The following PTPRD variants were observed in gnomAD, a reference collection of about 807,000 sequenced individuals.
PTPRD encodes the protein protein tyrosine phosphatase receptor type D, also known as receptor-type tyrosine-protein phosphatase delta.
A neutral mutation model predicts 214.5 loss-of-function variants in PTPRD; 34 were observed. That is an observed-to-expected ratio of 0.16 (90% confidence interval 0.12 to 0.21). The LOEUF (loss-of-function observed/expected upper bound fraction) is 0.21, where lower values mean the gene tolerates loss of function less well. Among genes scored for constraint, PTPRD ranks in the 10% least tolerant of loss-of-function variants. The probability of loss-of-function intolerance (pLI) is 1.00; values close to 1 mark genes in which losing one functional copy is unlikely to be tolerated. For synonymous variants in PTPRD, 1,128 were observed against 845.7 expected (o/e 1.33, Z -5.79); for missense variants, 2,545 against 2,398.7 (o/e 1.06, Z -1.27).
intron 12 of PTPRD, among the ~76,000 whole-genome samples, chr9:8,676,452 G>A (rs748670684): frequency 1.9e-4 from 28 of 146,584 alleles, no homozygotes; most frequent in African/African-American, 7.1e-4. Context: ...GTGTGATCTC[G>A]GCTCACTACA....
At chr9:10,262,874 TCCCATAATTCC>T (rs2093789352) in intron 3 of PTPRD, among the ~76,000 whole-genome samples, 1 of 152,100 alleles carries the variant, frequency 6.6e-6, no homozygotes, top group Non-Finnish European at 1.5e-5. Flanking sequence ...GAATTGTAGC[TCCCATAATTCC>T]CACATGTTGT....
chr9:9,194,520 G>C (rs1430144234), intron 9 of PTPRD, among the ~76,000 whole-genome samples: 3 of 152,076 alleles, frequency 2.0e-5, no homozygotes, highest in Admixed American at 1.3e-4. Flanking sequence ...TGGGTGACAG[G>C]AAACTTCAGC....
intron 39 of PTPRD, among the ~76,000 whole-genome samples, chr9:8,352,814 T>C (rs1048227291): frequency 2.6e-5 from 4 of 152,146 alleles, no homozygotes; most frequent in Admixed American, 2.6e-4. Context: ...TTTTTCTTTT[T>C]AAAAAATGCT....
intron 9 of PTPRD, among the ~76,000 whole-genome samples, chr9:9,331,577 T>C (rs989582064): frequency 6.6e-6 from 1 of 152,062 alleles, no homozygotes; most frequent in Non-Finnish European, 1.5e-5. Context: ...GGATGATCTC[T>C]GACCTATAAA....
At chr9:8,715,937 G>A (rs2098428212) in intron 12 of PTPRD, among the ~76,000 whole-genome samples, 1 of 152,226 alleles carries the variant, frequency 6.6e-6, no homozygotes, top group African/African-American at 2.4e-5. Context: ...CTACTTAGCT[G>A]CTCACTTGGG....
intron 20 of PTPRD, among the ~76,000 whole-genome samples, chr9:8,520,349 T>C (rs2097863077): frequency 6.6e-6 from 1 of 152,198 alleles, no homozygotes. Flanking sequence ...ATTTGATATA[T>C]ACGCTTGGTT....
At chr9:8,756,119 G>T (rs529361598) in intron 11 of PTPRD, among the ~76,000 whole-genome samples, 1 of 152,288 alleles carries the variant, frequency 6.6e-6, no homozygotes, top group South Asian at 2.1e-4. Flanking sequence ...AAGAGAATCA[G>T]TGTAGTGCAA....
intron 5 of PTPRD, among the ~76,000 whole-genome samples, chr9:9,920,249 T>C (rs2082182108): frequency 6.6e-6 from 1 of 152,124 alleles, no homozygotes; most frequent in African/African-American, 2.4e-5. Flanking sequence ...TTTTGTGGTC[T>C]GGATAATTTG....
Position 10,395,954 on chromosome 9 carries a change from T to TGAGAGAGAGAGAGAGAGAGA in PTPRD, c.-599-54957_-599-54938dup, listed in dbSNP as rs368100918. Reference sequence around the variant, plus strand: ...AAGCCACAGAGGGACATAGAGAGAATGAGAGAGAGAGAGAGAGAGAGAGAG... The same window carrying TGAGAGAGAGAGAGAGAGAGA: ...AAGCCACAGAGGGACATAGAGAGAATGAGAGAGAGAGAGAGAGAGAGAGAGAGAGAGAGAGAGAGAGAGAG... On this transcript the variant is annotated intron_variant, in intron 2 of 45. Coordinates refer to ENST00000381196, the MANE Select transcript of PTPRD (RefSeq NM_002839.4). Among the ~76,000 whole-genome samples, 337 of 134,336 alleles carry TGAGAGAGAGAGAGAGAGAGA rather than the reference T, an allele frequency of 2.5e-3. 6 individuals are homozygous for TGAGAGAGAGAGAGAGAGAGA. Among genetic ancestry groups the TGAGAGAGAGAGAGAGAGAGA allele is most frequent in the South Asian group, 0.016 (63 of 3,854 alleles). 88.1% of individuals were successfully genotyped at this position (134,336 alleles called of 152,430 possible).
intron 11 of PTPRD, among the ~76,000 whole-genome samples, chr9:8,833,869 T>C (rs2097354146): frequency 6.6e-6 from 1 of 152,100 alleles, no homozygotes; most frequent in Non-Finnish European, 1.5e-5. Flanking sequence ...AAATGACAGC[T>C]ATATACTGTA....
At chr9:10,537,792 G>A (rs1212001746) in intron 2 of PTPRD, among the ~76,000 whole-genome samples, 1 of 151,982 alleles carries the variant, frequency 6.6e-6, no homozygotes, top group Non-Finnish European at 1.5e-5. Flanking sequence ...AATCTTACAT[G>A]ACTTAAACTG....
intron 5 of PTPRD, among the ~76,000 whole-genome samples, chr9:9,909,071 A>G (rs928141583): frequency 1.3e-4 from 19 of 151,980 alleles, no homozygotes; most frequent in African/African-American, 4.1e-4. Context: ...CAGGATTGAA[A>G]AAGCAACTCC....
At chr9:10,272,071 C>A (rs1224706798) in intron 3 of PTPRD, among the ~76,000 whole-genome samples, 2 of 152,118 alleles carry the variant, frequency 1.3e-5, no homozygotes, top group African/African-American at 2.4e-5. Flanking sequence ...AAACCCCATA[C>A]TCTTTAACAG....
intron 2 of PTPRD, among the ~76,000 whole-genome samples, chr9:10,402,012 C>G (rs543841548): frequency 6.6e-6 from 1 of 151,142 alleles, no homozygotes; most frequent in East Asian, 2.0e-4. Flanking sequence ...AAATCCAATT[C>G]TAAAATGAGA....
Position 8,504,765 on chromosome 9 carries a change from C to T in PTPRD, c.1678-360G>A, listed in dbSNP as rs79111866. On this transcript the variant is annotated intron_variant, in intron 22 of 45. Coordinates refer to ENST00000381196, the MANE Select transcript of PTPRD (RefSeq NM_002839.4). ...TGACACAGATCACAATAGAAAATGA[C>T]ACCTGCCCCTGGTAGTGGAATCTGC... Among the ~76,000 whole-genome samples the T allele has an allele frequency of 3.1e-3, 469 of 152,266 alleles. 1 individual carries two copies. The highest frequency in any genetic ancestry group is 0.011 in the African/African-American group (449 of 41,550).
chr9:9,699,915 C>T (rs989936034), intron 7 of PTPRD, among the ~76,000 whole-genome samples: 4 of 152,108 alleles, frequency 2.6e-5, no homozygotes, highest in Admixed American at 2.0e-4. Flanking sequence ...TGAGATAACC[C>T]TGTACAGCAG....
At chr9:9,068,981 C>A (rs2099739807) in intron 10 of PTPRD, among the ~76,000 whole-genome samples, 1 of 152,138 alleles carries the variant, frequency 6.6e-6, no homozygotes, top group African/African-American at 2.4e-5. Context: ...CAAATATCTT[C>A]ATTGTCTTCA....
intron 2 of PTPRD, among the ~76,000 whole-genome samples, chr9:10,583,967 T>A (rs2073015017): frequency 1.3e-5 from 2 of 152,130 alleles, no homozygotes; most frequent in Admixed American, 1.3e-4. Context: ...TGGGATGGTA[T>A]AAGGTACACC....
At chr9:10,217,415 G>A (rs746489099) in intron 3 of PTPRD, among the ~76,000 whole-genome samples, 1 of 151,756 alleles carries the variant, frequency 6.6e-6, no homozygotes, top group South Asian at 2.1e-4. Flanking sequence ...TGAGTGGTTT[G>A]TACTCCCAAA....
Sources: allele counts gnomAD v4.1 joint callset (sites outside exome capture counted in the v4.1 genomes callset), GRCh38; gene constraint gnomAD v4.1.1; transcripts MANE v1.5; gene names NCBI Gene and HGNC (gene_info 2026-07-23, HGNC 2026-07-21).